Variants in MSL1 observed in about 807,000 individuals in gnomAD.
MSL1 encodes the protein male-specific lethal 1 homolog.
Under a neutral mutation model 64.6 loss-of-function variants are expected in MSL1, and 21 were observed. The ratio of observed to expected loss-of-function variants is 0.33; its 90% CI spans 0.23 to 0.47. The LOEUF is 0.47. MSL1 is among the 20% of genes least tolerant of loss of function. The probability of loss-of-function intolerance (pLI) is 1.00; values close to 1 mark genes in which losing one functional copy is unlikely to be tolerated. For missense variants in MSL1, 664 were observed against 793.2 expected (o/e 0.84, Z 1.96); for synonymous variants, 339 against 329.6 (o/e 1.03, Z -0.31).
intron 8 of MSL1, 77 bp downstream of exon 8, chr17:40,133,976 G>C: frequency 7.7e-7 from 1 of 1,305,472 alleles, no homozygotes. Context: ...CTAGATATGA[G>C]GTGGAACCAG....
intron 3 of MSL1, chr17:40,130,912 T>A (rs1988427362): frequency 6.6e-6 from 1 of 152,318 alleles, no homozygotes; most frequent in Non-Finnish European, 1.5e-5. Flanking sequence ...TTTTTGAAAA[T>A]CCTTTCTTCC....
Position 40,123,294 on chromosome 17 carries a change from C to T in MSL1, c.682C>T (p.Leu228=), listed in dbSNP as rs1392279696. Residue 228 remains leucine (L), a synonymous_variant, in exon 1 of 9, where the codon CTG becomes TTG. Transcript: ENST00000398532. The part of the protein sequence containing the change: ...QAACLKQILL[L]QLDLIEQQQQ... ...CGCCTGCCTCAAACAGATCCTTCTG[C>T]TGCAATTGGACCTCATCGAACAGCA... 6.5e-7 allele frequency: 1 copy of T among 1,535,982 alleles called. No homozygotes were observed. Among genetic ancestry groups the T allele is most frequent in the African/African-American group, 1.4e-5 (1 of 73,046 alleles).
chr17:40,134,051 A>G (rs1334698613), intron 8 of MSL1, among the ~76,000 whole-genome samples, 152 bp downstream of exon 8: 2 of 152,208 alleles, frequency 1.3e-5, no homozygotes, highest in East Asian at 1.9e-4. Context: ...AGCTTTTGTA[A>G]TAAGATTCCC....
rs900222896 is a variant in MSL1, at chr17:40,122,115, C to T, written c.-498C>T. 6.6e-6 allele frequency among the ~76,000 whole-genome samples: 1 copy of T among 151,520 alleles called. No homozygotes were observed. Among genetic ancestry groups the T allele is most frequent in the South Asian group, 2.1e-4 (1 of 4,816 alleles). On this transcript the variant is annotated 5_prime_UTR_variant, in exon 1 of 9. Coordinates refer to ENST00000398532, the MANE Select transcript of MSL1 (RefSeq NM_001365919.1). The surrounding 1 kb of genome is among the most constrained non-coding windows in gnomAD (Gnocchi z 4.2). ...GACCCCCGGGAGAGGCGACAGACCCCCTCTCCCGGAGTAGGAGGGCTTTGG... is the reference window on the plus strand; with the variant it reads ...GACCCCCGGGAGAGGCGACAGACCCTCTCTCCCGGAGTAGGAGGGCTTTGG...
chr17:40,131,450 A>C lies in MSL1; in HGVS notation c.1376-87A>C. On this transcript the variant is annotated intron_variant, in intron 3 of 8. Transcript: ENST00000398532. The surrounding 1 kb of genome is among the most constrained non-coding windows in gnomAD (Gnocchi z 4.5). ...AAAACAAAATGGCTTCCTAGTGAGA[A>C]CTTCAGTGATGATCCTTTCCTCCAT... 8.2e-7 allele frequency: 1 copy of C among 1,212,562 alleles called. No individual in the cohort carries two copies. The highest frequency in any genetic ancestry group is 1.3e-5 in the South Asian group (1 of 77,636). 75.1% of individuals were successfully genotyped at this position (1,212,562 alleles called of 1,614,324 possible).
chr17:40,129,651 C>G, intron 3 of MSL1, 24 bp downstream of exon 3: 1 of 1,544,032 alleles, frequency 6.5e-7, no homozygotes, highest in Non-Finnish European at 8.7e-7. Context: ...AACACTTGCT[C>G]TTATACCCTA....
intron 1 of MSL1, among the ~76,000 whole-genome samples, chr17:40,123,912 T>C (rs1317961279): frequency 1.3e-5 from 2 of 152,154 alleles, no homozygotes; most frequent in Non-Finnish European, 2.9e-5. Context: ...TTAAATGATA[T>C]TAAGAGAATC....
At chr17:40,128,369 C>CTTTTTTTTT (rs145183199) in intron 2 of MSL1, among the ~76,000 whole-genome samples, 3 of 112,708 alleles carry the variant, frequency 2.7e-5, no homozygotes, top group Non-Finnish European at 3.7e-5. Context: ...CTTGAATATT[C>CTTTTTTTTT]TTTTTTTTTT....
chr17:40,133,639 T>C lies in MSL1; in HGVS notation c.1662T>C (p.Phe554=). ...IQESEPEVTS[F]FPEPDDVESL... ...AATCTGAGCCTGAGGTTACCTCATT[T>C]TTCCCTGAGCCAGATGATGGTAAGT... The change falls in exon 7 of 9, where the codon TTT becomes TTC. Residue 554 remains phenylalanine (F), a synonymous_variant. Transcript: ENST00000398532. The C allele has an allele frequency of 3.1e-6, 5 of 1,613,744 alleles. No individual in the cohort carries two copies. Among genetic ancestry groups the C allele is most frequent in the Non-Finnish European group, 3.4e-6 (4 of 1,179,788 alleles).
chr17:40,124,367 T>TTC (rs142784983), intron 1 of MSL1, among the ~76,000 whole-genome samples: 36 of 149,162 alleles, frequency 2.4e-4, no homozygotes, highest in Admixed American at 6.0e-4. Flanking sequence ...CTCTTTCCCT[T>TTC]TCTCTCTCTC....
At position 40,122,547 on chromosome 17, in the gene MSL1, C is replaced by G; in HGVS notation, c.-66C>G. Reference sequence around the variant, plus strand: ...CCCCTCCCCCCCCTCAGTCCTCGACCCCCCGCACCTCGCCCCTTCCCCACC... The same window carrying G: ...CCCCTCCCCCCCCTCAGTCCTCGACGCCCCGCACCTCGCCCCTTCCCCACC... On this transcript the variant is annotated 5_prime_UTR_variant, in exon 1 of 9. Coordinates refer to ENST00000398532, the MANE Select transcript of MSL1 (RefSeq NM_001365919.1). This position sits in a 1 kb window ranked among gnomAD's most constrained non-coding sequence, Gnocchi z 4.2. The G allele has an allele frequency of 8.9e-7, 1 of 1,117,936 alleles. No individual in the cohort carries two copies. The highest frequency in any genetic ancestry group is 1.2e-6 in the Non-Finnish European group (1 of 844,052). The allele number at this position is 1,117,936 out of a possible 1,614,324, so 69.3% of individuals were successfully genotyped here. A position where few individuals can be genotyped will look rare whatever the true frequency, so the allele number is the denominator to read the frequency against.
rs1988397718 is a variant in MSL1 at position 40,129,535 on chromosome 17, C to T, written c.1283C>T (p.Thr428Ile). 1 of 1,613,950 alleles carries T rather than the reference C, an allele frequency of 6.2e-7. No homozygotes were observed. The part of the protein sequence containing the change: ...SEIEDLPYLS[T>I]TEMYLCRWHQ... ...ATAGAAGATTTGCCGTACCTTTCCACCACAGAAATGTATTTGTGTCGTTGG... is the reference window on the plus strand; with the variant it reads ...ATAGAAGATTTGCCGTACCTTTCCATCACAGAAATGTATTTGTGTCGTTGG... The change falls in exon 3 of 9, where the codon ACC (threonine) becomes ATC (isoleucine). Residue 428 changes from threonine (T) to isoleucine (I), a missense_variant. By Grantham distance (89) the Thr-to-Ile change is moderately conservative. Around this residue, in one of 4 missense-constraint regions of MSL1, gnomAD observed 119 missense variants for 164.3 expected, o/e 0.72. Transcript: ENST00000398532.
rs1488989061 is a variant in MSL1, at chr17:40,135,338, T to G, written c.*969T>G. On this transcript the variant is annotated 3_prime_UTR_variant, in exon 9 of 9. Coordinates refer to ENST00000398532, the MANE Select transcript of MSL1 (RefSeq NM_001365919.1). ...CTAATGAGCTTCTCCATTCACTTTG[T>G]AAAAATAATTTGTATGTGTACCATC... 6.6e-6 allele frequency: 1 copy of G among 152,278 alleles called. No individual in the cohort carries two copies. Among genetic ancestry groups the G allele is most frequent in the Non-Finnish European group, 1.5e-5 (1 of 68,020 alleles). 9.4% of individuals were successfully genotyped at this position (152,278 alleles called of 1,614,324 possible). A position where few individuals can be genotyped will look rare whatever the true frequency, so the allele number is the denominator to read the frequency against.
Position 40,122,512 on chromosome 17 carries a change from C to A in MSL1, c.-101C>A. Reference sequence around the variant, plus strand: ...CTGCTGCCGCGCTGCTGAGGCGAGCCCGCCAAACTCCCCTCCCCCCCCTCA... The same window carrying A: ...CTGCTGCCGCGCTGCTGAGGCGAGCACGCCAAACTCCCCTCCCCCCCCTCA... On this transcript the variant is annotated 5_prime_UTR_variant, in exon 1 of 9. Transcript: ENST00000398532. The surrounding 1 kb of genome is among the most constrained non-coding windows in gnomAD (Gnocchi z 4.2). The A allele has an allele frequency of 1.2e-6, 1 of 856,146 alleles. No individual in the cohort carries two copies. The highest frequency in any genetic ancestry group is 1.6e-6 in the Non-Finnish European group (1 of 616,984). 53.0% of individuals were successfully genotyped at this position (856,146 alleles called of 1,614,324 possible). A position where few individuals can be genotyped will look rare whatever the true frequency, so the allele number is the denominator to read the frequency against.
chr17:40,126,395 G>C lies in MSL1; in HGVS notation c.981G>C (p.Lys327Asn). 2.5e-6 allele frequency: 4 copies of C among 1,613,982 alleles called. No individual in the cohort carries two copies. The highest frequency in any genetic ancestry group is 3.4e-6 in the Non-Finnish European group (4 of 1,179,874). ...CCTTCTCATGTGGGCGGAGTGGAAA[G>C]GGACATAAAAGGTGTGCTGATAACT... is the stretch of plus-strand genomic sequence containing the variant. ...PKPFSCGRSGKGHKRKSPFGS... is the reference protein window; with the variant it reads ...PKPFSCGRSGNGHKRKSPFGS... The change falls in exon 2 of 9, where the codon AAG becomes AAC. Residue 327 changes from lysine to asparagine, a missense_variant. Physicochemically the swap from Lys to Asn is moderately conservative, Grantham distance 94. Transcript: ENST00000398532.
In MSL1 at chr17:40,131,693, C is replaced by T. The variant is rs1988440662; in HGVS notation, c.1423+109C>T. On this transcript the variant is annotated intron_variant, in intron 4 of 8. Transcript: ENST00000398532. This position sits in a 1 kb window ranked among gnomAD's most constrained non-coding sequence, Gnocchi z 4.5. ...CACTGGATGTGGGAGACTGAGATTTCTTGGTGTATGATTGATTACACTACT... is the reference window on the plus strand; with the variant it reads ...CACTGGATGTGGGAGACTGAGATTTTTTGGTGTATGATTGATTACACTACT... 9.8e-7 allele frequency: 1 copy of T among 1,023,682 alleles called. No individual in the cohort carries two copies. The highest frequency in any genetic ancestry group is 1.6e-6 in the Non-Finnish European group (1 of 644,758). 63.4% of individuals were successfully genotyped at this position (1,023,682 alleles called of 1,614,324 possible).
At chr17:40,133,274 A>C (rs529441828) in intron 6 of MSL1, 165 bp downstream of exon 6, 154 of 757,560 alleles carry the variant, frequency 2.0e-4, no homozygotes, top group Non-Finnish European at 3.1e-4. Flanking sequence ...TGGAAATGGT[A>C]GTTGTTGCGG....
At chr17:40,130,920 T>C (rs1399272192) in intron 3 of MSL1, 1 of 152,342 alleles carries the variant, frequency 6.6e-6, no homozygotes, top group East Asian at 1.9e-4. Context: ...AATCCTTTCT[T>C]CCCTAGTACA....
At chr17:40,124,972 T>C (rs1321990636) in intron 1 of MSL1, 1 of 152,222 alleles carries the variant, frequency 6.6e-6, no homozygotes, top group African/African-American at 2.4e-5. Context: ...GCAATCTTAA[T>C]ATTGCTTAAG....
Sources: gnomAD v4.1 joint callset for allele counts (sites outside exome capture counted in the v4.1 genomes callset) on GRCh38, gnomAD v4.1.1 for gene constraint, gnomAD v4.1.1 regional missense constraint, Gnocchi (gnomAD v3.1) non-coding constraint, MANE v1.5 for transcripts, NCBI Gene and HGNC (gene_info 2026-07-23, HGNC 2026-07-21) for gene names.